Variants in ULK4 observed in about 807,000 individuals in gnomAD.
The protein encoded by ULK4 is unc-51 like kinase 4, also known as inactive serine/threonine-protein kinase ULK4.
In ULK4, 133 loss-of-function variants were observed where a neutral mutation model predicts 160.6. The observed-to-expected ratio is 0.83, with a 90% CI of 0.72 to 0.96. The LOEUF (loss-of-function observed/expected upper bound fraction) is 0.96. ULK4 is among the 40% of genes least tolerant of loss of function. The pLI, the probability that ULK4 is intolerant of heterozygous loss-of-function variation, is 0.00. For missense variants in ULK4, 1,580 were observed against 1,499.5 expected, an observed-to-expected ratio of 1.05 and a Z score of -0.89; for synonymous variants, 534 against 539.8, an observed-to-expected ratio of 0.99 and a Z score of 0.15.
At chr3:41,813,807 G>A (rs1048561775) in intron 19 of ULK4, among the ~76,000 whole-genome samples, 5 of 152,164 alleles carry the variant, frequency 3.3e-5, no homozygotes, top group East Asian at 3.8e-4. Flanking sequence ...AGTGAAGGTG[G>A]GCAACGTGTG....
chr3:41,944,305 C>A (rs982269326), intron 2 of ULK4, among the ~76,000 whole-genome samples: 1 of 152,132 alleles, frequency 6.6e-6, no homozygotes, highest in Non-Finnish European at 1.5e-5. Flanking sequence ...AGAAAATAAA[C>A]CACCTGCTTT....
chr3:41,637,510 C>A (rs960818752), intron 30 of ULK4, among the ~76,000 whole-genome samples: 2 of 152,142 alleles, frequency 1.3e-5, no homozygotes, highest in African/African-American at 4.8e-5. Context: ...CATGGGAGTG[C>A]AATATCTCTT....
At chr3:41,249,698 TC>T in intron 35 of ULK4, 124 bp from the exon 36 acceptor site, 2 of 946,006 alleles carry the variant, frequency 2.1e-6, no homozygotes, top group South Asian at 3.4e-5. Flanking sequence ...CTGGGGGGTG[TC>T]CCCTGGGCTT....
rs543479198 is a variant in ULK4 at position 41,888,781 on chromosome 3, T to C, written c.1578-4829A>G. On this transcript the variant is annotated intron_variant, in intron 16 of 36. Coordinates refer to ENST00000301831, the MANE Select transcript of ULK4 (RefSeq NM_017886.4). ...GATACTGAAACAGGGAAGGGGTAAA[T>C]GAGGAAAGCCAACTCCACTCCAAAG... Among the ~76,000 whole-genome samples, 186 of 151,908 alleles carry C rather than the reference T, an allele frequency of 1.2e-3. 1 individual carries two copies. The highest frequency in any genetic ancestry group is 2.6e-3 in the Admixed American group (39 of 15,258).
At chr3:41,559,003 T>C (rs1437478279) in intron 32 of ULK4, among the ~76,000 whole-genome samples, 4 of 132,478 alleles carry the variant, frequency 3.0e-5, no homozygotes, top group African/African-American at 7.7e-5. Context: ...ATTAGGTGTA[T>C]CTCCTAATGC....
chr3:41,874,587 C>G (rs1697228331), intron 17 of ULK4, among the ~76,000 whole-genome samples: 1 of 152,170 alleles, frequency 6.6e-6, no homozygotes, highest in African/African-American at 2.4e-5. Context: ...CAGCATTATT[C>G]TAAGTGATGT....
intron 35 of ULK4, among the ~76,000 whole-genome samples, chr3:41,387,299 A>G (rs1169499346): frequency 6.6e-6 from 1 of 152,130 alleles, no homozygotes; most frequent in African/African-American, 2.4e-5. Flanking sequence ...ATTATTAACT[A>G]TAGTCATCCT....
At chr3:41,855,737 C>A (rs1485029136) in intron 17 of ULK4, among the ~76,000 whole-genome samples, 3 of 152,106 alleles carry the variant, frequency 2.0e-5, no homozygotes, top group Non-Finnish European at 4.4e-5. Flanking sequence ...GGGATCAGCT[C>A]TGATTAGTTG....
At chr3:41,368,611 G>A (rs1387619521) in intron 35 of ULK4, among the ~76,000 whole-genome samples, 22 of 152,030 alleles carry the variant, frequency 1.4e-4, no homozygotes, top group Non-Finnish European at 2.9e-5. Context: ...TCTATTTTGG[G>A]TATTTTACAT....
At chr3:41,249,443 T>C (rs2078703468) in intron 36 of ULK4, 46 bp downstream of exon 36, 19 of 1,553,906 alleles carry the variant, frequency 1.2e-5, no homozygotes, top group Non-Finnish European at 1.7e-5. Context: ...GCTGAGAGTG[T>C]GTGCTGATCT....
At chr3:41,672,329 C>T (rs2035570219) in intron 29 of ULK4, among the ~76,000 whole-genome samples, 1 of 151,964 alleles carries the variant, frequency 6.6e-6, no homozygotes, top group Admixed American at 6.6e-5. Flanking sequence ...TGTCCATCAA[C>T]GAATGTGGTA....
intron 34 of ULK4, among the ~76,000 whole-genome samples, chr3:41,412,347 TC>T (rs1347050476): frequency 1.3e-5 from 2 of 151,122 alleles, no homozygotes; most frequent in African/African-American, 4.9e-5. Context: ...CCCAATATTT[TC>T]CCCAAATTAC....
intron 25 of ULK4, among the ~76,000 whole-genome samples, chr3:41,706,509 T>A (rs2036893150): frequency 6.6e-6 from 1 of 150,456 alleles, no homozygotes; most frequent in African/African-American, 2.4e-5. Flanking sequence ...TAACTAAGTA[T>A]AAGCGATTAG....
At chr3:41,753,709 T>C (rs1308335138) in intron 22 of ULK4, among the ~76,000 whole-genome samples, 1 of 152,228 alleles carries the variant, frequency 6.6e-6, no homozygotes, top group Non-Finnish European at 1.5e-5. Context: ...TGGTCTAATA[T>C]TGACTCCCAA....
chr3:41,396,336 C>CA (rs11369245), intron 35 of ULK4, among the ~76,000 whole-genome samples: 86,146 of 150,060 alleles, frequency 0.57, 26,051 homozygotes, highest in African/African-American at 0.8. Flanking sequence ...TTCTAAGTTT[C>CA]AAAAAAAAAA....
rs551725073 is a variant in ULK4, at chr3:41,852,735, T to C, written c.1657-16764A>G. ...GGGGGGAGATGTGCTAAACTCTTGG[T>C]GACCTCGAAATGACCTTTTGAAATG... On this transcript the variant is annotated intron_variant, in intron 17 of 36. Coordinates refer to ENST00000301831, the MANE Select transcript of ULK4 (RefSeq NM_017886.4). Among the ~76,000 whole-genome samples, 170 of 152,252 alleles carry C rather than the reference T, an allele frequency of 1.1e-3. No individual in the cohort carries two copies. In the South Asian group the frequency reaches 0.013, roughly 12 times the overall value.
chr3:41,879,653 T>C (rs780814905), intron 17 of ULK4, among the ~76,000 whole-genome samples: 9 of 152,008 alleles, frequency 5.9e-5, no homozygotes, highest in Non-Finnish European at 1.0e-4. Context: ...CCAAACTCTA[T>C]TTTTTCTAGA....
intron 35 of ULK4, among the ~76,000 whole-genome samples, chr3:41,332,773 A>G (rs993800531): frequency 2.0e-5 from 3 of 152,060 alleles, no homozygotes; most frequent in African/African-American, 7.2e-5. Flanking sequence ...CACAGTACCC[A>G]ATGGTTAGTT....
At chr3:41,611,262 C>T (rs564413557) in intron 31 of ULK4, among the ~76,000 whole-genome samples, 2 of 152,332 alleles carry the variant, frequency 1.3e-5, no homozygotes, top group African/African-American at 4.8e-5. Flanking sequence ...TCACAGCTGC[C>T]TTGTGCTGCC....
Sources: allele counts gnomAD v4.1 joint callset (sites outside exome capture counted in the v4.1 genomes callset), GRCh38; gene constraint gnomAD v4.1.1; transcripts MANE v1.5; gene names NCBI Gene and HGNC (gene_info 2026-07-23, HGNC 2026-07-21).